The following TFDP2 variants were observed in gnomAD, a reference collection of about 807,000 sequenced individuals.
TFDP2 encodes the protein transcription factor Dp-2, also known as transcription factor Dp-2 (E2F dimerization partner 2).
TFDP2 carries 17 observed loss-of-function variants against 59.3 expected under a neutral mutation model. That is an observed-to-expected ratio of 0.29 (90% CI 0.20 to 0.43). TFDP2 has a LOEUF of 0.43. Among genes scored for constraint, TFDP2 ranks in the 20% least tolerant of loss-of-function variants. The pLI, the probability that TFDP2 is intolerant of heterozygous loss-of-function variation, is 1.00. For missense variants in TFDP2, 391 were observed against 528.8 expected (o/e 0.74, Z 2.56); for synonymous variants, 180 against 194.7 (o/e 0.92, Z 0.63).
At chr3:141,962,870 TTA>T (rs1340473599) in intron 10 of TFDP2, among the ~76,000 whole-genome samples, 1 of 152,228 alleles carries the variant, frequency 6.6e-6, no homozygotes, top group Non-Finnish European at 1.5e-5. Flanking sequence ...GACGCAATTA[TTA>T]TAGAGTCTTC....
chr3:142,095,269 C>T (rs549663472), intron 2 of TFDP2, among the ~76,000 whole-genome samples: 73 of 152,260 alleles, frequency 4.8e-4, no homozygotes, highest in Non-Finnish European at 6.5e-4. Context: ...GGATTACAGG[C>T]GTGAGCCACC....
intron 3 of TFDP2, among the ~76,000 whole-genome samples, chr3:142,066,684 C>T (rs988839108): frequency 2.0e-5 from 3 of 152,248 alleles, no homozygotes; most frequent in South Asian, 2.1e-4. Flanking sequence ...GGGACTCTAA[C>T]TTCAGCTGGT....
intron 3 of TFDP2, among the ~76,000 whole-genome samples, chr3:142,017,285 C>T (rs990220962): frequency 8.5e-5 from 13 of 152,176 alleles, no homozygotes; most frequent in Admixed American, 2.0e-4. Flanking sequence ...TCATCTCATT[C>T]ATTGCTCCAG....
intron 1 of TFDP2, among the ~76,000 whole-genome samples, chr3:142,117,747 T>C (rs1301629086): frequency 7.2e-5 from 11 of 151,846 alleles, no homozygotes; most frequent in Admixed American, 5.2e-4. Context: ...TATACATATA[T>C]AAAGAAGCGC....
intron 2 of TFDP2, among the ~76,000 whole-genome samples, chr3:142,099,475 G>A (rs545360198): frequency 6.6e-6 from 1 of 152,264 alleles, no homozygotes; most frequent in Non-Finnish European, 1.5e-5. Context: ...GCTGAGGCAG[G>A]CAGATTACCT....
At chr3:141,989,928 C>T (rs949889439) in intron 6 of TFDP2, among the ~76,000 whole-genome samples, 1 of 151,242 alleles carries the variant, frequency 6.6e-6, no homozygotes, top group African/African-American at 2.4e-5. Flanking sequence ...GAGTCTCCCT[C>T]GGTCACCGGG....
chr3:141,968,424 T>A lies in TFDP2; in HGVS notation c.732+1649A>T, dbSNP rs182020125. Among the ~76,000 whole-genome samples, 87 of 84,704 alleles carry A rather than the reference T, an allele frequency of 1.0e-3. 3 individuals carry two copies. Among genetic ancestry groups the A allele is most frequent in the East Asian group, 4.1e-3 (14 of 3,422 alleles). The allele number at this position is 84,704 out of a possible 152,430, so 55.6% of individuals were successfully genotyped here. A position where few individuals can be genotyped will look rare whatever the true frequency, so the allele number is the denominator to read the frequency against. ...ATATCATATATATAACATATATATCTCATATATAGATATATATAACATATA... is the reference window on the plus strand; with the variant it reads ...ATATCATATATATAACATATATATCACATATATAGATATATATAACATATA... On this transcript the variant is annotated intron_variant, in intron 9 of 12. Coordinates refer to ENST00000489671, the MANE Select transcript of TFDP2 (RefSeq NM_001178139.2).
In TFDP2 at chr3:142,031,038, G is replaced by A. The variant is rs867685545; in HGVS notation, c.83-25494C>T. Among the ~76,000 whole-genome samples the A allele has an allele frequency of 6.4e-4, 98 of 152,074 alleles. 3 individuals carry two copies. The highest frequency in any genetic ancestry group is 6.8e-3 in the Middle Eastern group (2 of 294). On this transcript the variant is annotated intron_variant, in intron 3 of 12. Transcript: ENST00000489671. The stretch of plus-strand genomic sequence containing the variant: ...ATTACAGGCGTGAGCCACCGCGCCC[G>A]GCGTATTCCCGTGTTCTCTAAATAG...
intron 6 of TFDP2, among the ~76,000 whole-genome samples, chr3:141,981,302 T>A (rs1474551645): frequency 6.6e-6 from 1 of 152,178 alleles, no homozygotes; most frequent in Non-Finnish European, 1.5e-5. Flanking sequence ...TACCTAAGTG[T>A]GTAGCAGGCT....
chr3:142,003,227 C>G (rs762840894), intron 4 of TFDP2, among the ~76,000 whole-genome samples: 17 of 152,030 alleles, frequency 1.1e-4, no homozygotes, highest in Non-Finnish European at 2.2e-4. Flanking sequence ...TCTCGATCTC[C>G]TGACCTCGTG....
chr3:142,081,911 C>T (rs1203015594), intron 3 of TFDP2, among the ~76,000 whole-genome samples: 1 of 152,168 alleles, frequency 6.6e-6, no homozygotes, highest in East Asian at 1.9e-4. Flanking sequence ...TAAAGAAGAA[C>T]TGATATCCAT....
chr3:142,094,305 CTTTT>C (rs34185822), intron 2 of TFDP2, among the ~76,000 whole-genome samples: 2 of 138,752 alleles, frequency 1.4e-5, no homozygotes, highest in African/African-American at 2.6e-5. Flanking sequence ...TCAAACTGTA[CTTTT>C]TTTTTTTTTT....
intron 6 of TFDP2, among the ~76,000 whole-genome samples, chr3:141,983,324 A>C (rs1304089958): frequency 6.6e-6 from 1 of 152,114 alleles, no homozygotes; most frequent in Non-Finnish European, 1.5e-5. Context: ...ACAACAAAAA[A>C]CGAAACAACT....
At chr3:141,969,273 G>T (rs1274585425) in intron 9 of TFDP2, among the ~76,000 whole-genome samples, 1 of 106,272 alleles carries the variant, frequency 9.4e-6, no homozygotes, top group Admixed American at 1.1e-4. Flanking sequence ...ATATATATGA[G>T]ATATATATAT....
intron 9 of TFDP2, among the ~76,000 whole-genome samples, chr3:141,967,330 T>C (rs1938265476): frequency 2.0e-5 from 3 of 151,520 alleles, no homozygotes; most frequent in Non-Finnish European, 4.4e-5. Flanking sequence ...TTCGCTCTTG[T>C]TGCCCAGGCT....
At chr3:142,149,085 G>T (rs1416100980) in intron 1 of TFDP2, 98 bp downstream of exon 1, 7 of 395,920 alleles carry the variant, frequency 1.8e-5, no homozygotes. Flanking sequence ...GGAACAAGGG[G>T]GCCCCTGTGC....
intron 6 of TFDP2, among the ~76,000 whole-genome samples, chr3:141,993,266 T>C (rs187288487): frequency 2.0e-4 from 30 of 152,242 alleles, no homozygotes; most frequent in African/African-American, 7.0e-4. Context: ...GTATTCACTT[T>C]GATAGAACTC....
At chr3:142,105,680 C>T (rs1157994297) in intron 1 of TFDP2, among the ~76,000 whole-genome samples, 1 of 152,104 alleles carries the variant, frequency 6.6e-6, no homozygotes, top group African/African-American at 2.4e-5. Context: ...TAAAAATAGC[C>T]ATATTAATGA....
At chr3:141,989,748 C>T (rs1330543461) in intron 6 of TFDP2, among the ~76,000 whole-genome samples, 1 of 152,182 alleles carries the variant, frequency 6.6e-6, no homozygotes, top group East Asian at 1.9e-4. Context: ...CTGATGCTGA[C>T]TTCTTCCACG....
Sources: allele counts gnomAD v4.1 joint callset (sites outside exome capture counted in the v4.1 genomes callset), GRCh38; gene constraint gnomAD v4.1.1; transcripts MANE v1.5; gene names NCBI Gene and HGNC (gene_info 2026-07-23, HGNC 2026-07-21).